Variants in TENM3 observed in about 807,000 individuals in gnomAD.
TENM3 encodes teneurin-3.
In TENM3, 63 loss-of-function variants were observed where a neutral mutation model predicts 255.1. The observed-to-expected ratio is 0.25, with a 90% CI of 0.20 to 0.30. The LOEUF (loss-of-function observed/expected upper bound fraction) is 0.30, where lower values mean the gene tolerates loss of function less well. Among genes scored for constraint, TENM3 ranks in the 10% least tolerant of loss-of-function variants. The probability of loss-of-function intolerance (pLI) is 1.00; values close to 1 mark genes in which losing one functional copy is unlikely to be tolerated. For missense variants in TENM3, 2,929 were observed against 3,461.1 expected, an observed-to-expected ratio of 0.85 and a Z score of 3.86; for synonymous variants, 1,306 against 1,322.3, an observed-to-expected ratio of 0.99 and a Z score of 0.27.
intron 1 of TENM3, among the ~76,000 whole-genome samples, chr4:182,302,276 G>A (rs1057086818): frequency 6.6e-6 from 1 of 152,142 alleles, no homozygotes; most frequent in Admixed American, 6.5e-5. Context: ...ATAAAGGAAG[G>A]TTAGCATTTC....
intron 3 of TENM3, among the ~76,000 whole-genome samples, chr4:182,570,788 C>T (rs1437777451): frequency 6.6e-6 from 1 of 151,756 alleles, no homozygotes; most frequent in Non-Finnish European, 1.5e-5. Context: ...GGAGATCGCA[C>T]CACTGCAATC....
chr4:182,643,831 T>G (rs1752518519), intron 5 of TENM3, among the ~76,000 whole-genome samples: 1 of 152,230 alleles, frequency 6.6e-6, no homozygotes, highest in African/African-American at 2.4e-5. Context: ...AGGGAAACTC[T>G]ACATCCTTGC....
intron 1 of TENM3, among the ~76,000 whole-genome samples, chr4:182,146,271 T>C (rs1749960231): frequency 6.6e-6 from 1 of 152,218 alleles, no homozygotes; most frequent in Non-Finnish European, 1.5e-5. Context: ...ATGTATATCT[T>C]AATATATAAA....
the TENM3 span, among the ~76,000 whole-genome samples, chr4:182,073,659 C>T: frequency 6.6e-6 from 1 of 152,096 alleles, no homozygotes; most frequent in Non-Finnish European, 1.5e-5. Flanking sequence ...GGTTGAAGAG[C>T]TCAAAAAATA....
At chr4:182,313,884 A>T (rs2150433575) in intron 1 of TENM3, among the ~76,000 whole-genome samples, 1 of 152,300 alleles carries the variant, frequency 6.6e-6, no homozygotes, top group Admixed American at 6.5e-5. Context: ...CCATTTTTCT[A>T]AATCTCCACT....
intron 24 of TENM3, among the ~76,000 whole-genome samples, chr4:182,787,865 C>G (rs1215829000): frequency 3.3e-5 from 5 of 152,000 alleles, no homozygotes; most frequent in Admixed American, 6.6e-5. Flanking sequence ...ATCGAGCTGC[C>G]ATTCCACGGA....
the TENM3 span, among the ~76,000 whole-genome samples, chr4:181,955,100 T>A: frequency 6.6e-6 from 1 of 152,322 alleles, no homozygotes; most frequent in Non-Finnish European, 1.5e-5. Flanking sequence ...TTTAAAAATC[T>A]CCTTAACCAT....
At chr4:182,317,006 G>A (rs1459206609) in intron 1 of TENM3, among the ~76,000 whole-genome samples, 1 of 152,158 alleles carries the variant, frequency 6.6e-6, no homozygotes, top group African/African-American at 2.4e-5. Context: ...TCAATGGCTT[G>A]AAAACTGTTG....
At position 182,678,442 on chromosome 4, in the gene TENM3, AT is replaced by A. The variant is rs565552594; in HGVS notation, c.1327-1223del. Among the ~76,000 whole-genome samples the A allele has an allele frequency of 1.7e-4, 26 of 152,306 alleles. No individual in the cohort carries two copies. The East Asian group carries it at 4.3e-3, about 25-fold the overall frequency. On this transcript the variant is annotated intron_variant, in intron 7 of 27. Coordinates refer to ENST00000511685, the MANE Select transcript of TENM3 (RefSeq NM_001080477.4). ...CTGTTTAGATCAAAGATGTAAAGGCATCTTGTTACATGTTTCTAATCTAACA... is the reference window on the plus strand; with the variant it reads ...CTGTTTAGATCAAAGATGTAAAGGCACTTGTTACATGTTTCTAATCTAACA...
At chr4:182,205,394 C>T (rs1754486457) in intron 1 of TENM3, among the ~76,000 whole-genome samples, 1 of 152,260 alleles carries the variant, frequency 6.6e-6, no homozygotes, top group African/African-American at 2.4e-5. Flanking sequence ...CTTAGAGCTT[C>T]TCTCTGTCTT....
At chr4:181,548,367 T>C in the TENM3 span, among the ~76,000 whole-genome samples, 31 of 152,290 alleles carry the variant, frequency 2.0e-4, no homozygotes, top group Middle Eastern at 3.4e-3. Flanking sequence ...CACACGTATG[T>C]TTATTGCAGC....
the TENM3 span, among the ~76,000 whole-genome samples, chr4:182,003,113 GGTAA>G: frequency 6.6e-6 from 1 of 152,066 alleles, no homozygotes; most frequent in African/African-American, 2.4e-5. Context: ...ACAGCATGCA[GGTAA>G]GTTAAGTATC....
intron 1 of TENM3, among the ~76,000 whole-genome samples, chr4:182,232,899 A>G (rs1756671899): frequency 6.6e-6 from 1 of 152,206 alleles, no homozygotes; most frequent in Non-Finnish European, 1.5e-5. Context: ...GGAGCAGGAT[A>G]GCATGAGATT....
chr4:182,145,315 T>TG (rs1258546554), intron 1 of TENM3: 1 of 151,396 alleles, frequency 6.6e-6, no homozygotes, highest in African/African-American at 2.4e-5. Flanking sequence ...GCGTGGGGAG[T>TG]GGTGGATCAC....
intron 24 of TENM3, among the ~76,000 whole-genome samples, chr4:182,783,708 A>G (rs1023617998): frequency 1.4e-5 from 2 of 144,360 alleles, no homozygotes; most frequent in Non-Finnish European, 1.5e-5. Context: ...AGACGTAGAT[A>G]CGGTCTTTTC....
chr4:182,112,334 T>C, the TENM3 span, among the ~76,000 whole-genome samples: 1 of 152,130 alleles, frequency 6.6e-6, no homozygotes, highest in Non-Finnish European at 1.5e-5. Flanking sequence ...CTGACCGTTT[T>C]CCCTCCCCTC....
Position 182,324,145 on chromosome 4 carries a change from G to A in TENM3, c.125G>A (p.Ser42Asn). The A allele has an allele frequency of 1.2e-6, 2 of 1,614,028 alleles. No homozygotes were observed. The highest frequency in any genetic ancestry group is 1.7e-6 in the Non-Finnish European group (2 of 1,179,900). The change falls in exon 2 of 28, where the codon AGT becomes AAT. Residue 42 changes from serine to asparagine, a missense_variant. Ser to Asn is a conservative substitution (Grantham distance 46). This residue lies in a region of TENM3 where 283 missense variants were observed against 256.9 expected (regional missense o/e 1.10). Coordinates refer to ENST00000511685, the MANE Select transcript of TENM3 (RefSeq NM_001080477.4). ...ECRVPTQKSY[S>N]SSETLKAFDH... Reference sequence around the variant, plus strand: ...CGGGTACCCACACAGAAGTCCTACAGTTCCAGCGAGACATTGAAAGCTTTT... The same window carrying A: ...CGGGTACCCACACAGAAGTCCTACAATTCCAGCGAGACATTGAAAGCTTTT...
chr4:182,064,440 T>C, the TENM3 span, among the ~76,000 whole-genome samples: 1 of 151,854 alleles, frequency 6.6e-6, no homozygotes, highest in Non-Finnish European at 1.5e-5. Flanking sequence ...TAGCCGGGCG[T>C]GGTGGCGGGC....
At chr4:182,022,270 G>A in the TENM3 span, among the ~76,000 whole-genome samples, 2 of 152,062 alleles carry the variant, frequency 1.3e-5, no homozygotes, top group Non-Finnish European at 1.5e-5. Context: ...GCAGCAAGAG[G>A]CCATTATTCT....
Sources: gnomAD v4.1 joint callset for allele counts (sites outside exome capture counted in the v4.1 genomes callset) on GRCh38, gnomAD v4.1.1 for gene constraint, gnomAD v4.1.1 regional missense constraint, MANE v1.5 for transcripts, NCBI Gene and HGNC (gene_info 2026-07-23, HGNC 2026-07-21) for gene names.